Variants in DNAJC11 observed in about 807,000 individuals in gnomAD.
DNAJC11 encodes the protein DnaJ heat shock protein family (Hsp40) member C11, also known as dnaJ homolog subfamily C member 11.
DNAJC11 carries 15 observed loss-of-function variants against 78.6 expected under a neutral mutation model. The observed-to-expected ratio is 0.19, with a 90% CI of 0.13 to 0.29. The LOEUF (loss-of-function observed/expected upper bound fraction) is 0.29, where lower values mean the gene tolerates loss of function less well. Ranked by LOEUF, DNAJC11 falls within the 10% of genes least tolerant of loss-of-function variation. The pLI, the probability that DNAJC11 is intolerant of heterozygous loss-of-function variation, is 1.00. For missense variants in DNAJC11, 547 were observed against 709.6 expected, an observed-to-expected ratio of 0.77 and a Z score of 2.60; for synonymous variants, 292 against 272.1, an observed-to-expected ratio of 1.07 and a Z score of -0.72.
intron 1 of DNAJC11, among the ~76,000 whole-genome samples, chr1:6,689,700 C>A (rs1440772203): frequency 6.6e-6 from 1 of 151,620 alleles, no homozygotes; most frequent in Non-Finnish European, 1.5e-5. Context: ...TGCTTGAACC[C>A]AGGAGGCGGA....
At position 6,634,190 on chromosome 1, in the gene DNAJC11, TGTG is replaced by T. The variant is rs1430874473; in HGVS notation, c.*1482_*1484del. 5.3e-6 allele frequency: 6 copies of T among 1,129,012 alleles called. No homozygotes were observed. The highest frequency in any genetic ancestry group is 1.5e-5 in the African/African-American group (1 of 65,282). The allele number at this position is 1,129,012 out of a possible 1,614,324, so 69.9% of individuals were successfully genotyped here. On this transcript the variant is annotated 3_prime_UTR_variant, in exon 16 of 16. Coordinates refer to ENST00000377577, the MANE Select transcript of DNAJC11 (RefSeq NM_018198.4). ...GCCTCTGCTTTCAGGAAAGGTTTAT[TGTG>T]GTGAGTGCCTTCTGTACAGTCGACT...
chr1:6,637,158 TCTGTGAGCA>T (rs749704082), intron 14 of DNAJC11, 31 bp downstream of exon 14: 1 of 1,612,762 alleles, frequency 6.2e-7, no homozygotes, highest in African/African-American at 1.3e-5. Context: ...CCTGTTCAAA[TCTGTGAGCA>T]CATAGCATGT....
intron 3 of DNAJC11, among the ~76,000 whole-genome samples, chr1:6,677,274 A>C (rs968338964): frequency 6.6e-6 from 1 of 151,588 alleles, no homozygotes; most frequent in East Asian, 1.9e-4. Flanking sequence ...AGCAAAATTT[A>C]TTGGGCATCA....
At chr1:6,675,708 C>G (rs1265783138) in intron 3 of DNAJC11, among the ~76,000 whole-genome samples, 1 of 152,164 alleles carries the variant, frequency 6.6e-6, no homozygotes, top group Non-Finnish European at 1.5e-5. Flanking sequence ...CAGGTGTGAG[C>G]CACTGCACCC....
intron 7 of DNAJC11, among the ~76,000 whole-genome samples, chr1:6,649,704 A>G (rs1034581752): frequency 2.0e-5 from 3 of 151,736 alleles, no homozygotes; most frequent in African/African-American, 7.3e-5. Context: ...TGGAAGTGTA[A>G]TAACTAACTT....
chr1:6,681,735 C>T (rs1195186854), intron 1 of DNAJC11, among the ~76,000 whole-genome samples: 1 of 152,178 alleles, frequency 6.6e-6, no homozygotes, highest in Admixed American at 6.5e-5. Context: ...GAGGCAAACC[C>T]ACATTCACTG....
intron 3 of DNAJC11, among the ~76,000 whole-genome samples, chr1:6,671,336 G>A (rs1642376484): frequency 1.3e-5 from 2 of 152,114 alleles, no homozygotes; most frequent in Non-Finnish European, 1.5e-5. Context: ...TCCGCCTCCC[G>A]GGTTCACACC....
rs550537785 is a variant in DNAJC11 at position 6,662,149 on chromosome 1, T to G, written c.378+5560A>C. 5.7e-4 allele frequency among the ~76,000 whole-genome samples: 81 copies of G among 141,910 alleles called. 2 individuals are homozygous for G. In the South Asian group the frequency reaches 0.017, roughly 30 times the overall value. 93.1% of individuals were successfully genotyped at this position (141,910 alleles called of 152,430 possible). A position where few individuals can be genotyped will look rare whatever the true frequency, so the allele number is the denominator to read the frequency against. On this transcript the variant is annotated intron_variant, in intron 4 of 15. Coordinates refer to ENST00000377577, the MANE Select transcript of DNAJC11 (RefSeq NM_018198.4). Reference sequence around the variant, plus strand: ...TTTTGTTTTTTGTTTTTTTTTTTTGTAGAGATAGGATTTCACCATGTTGCC... The same window carrying G: ...TTTTGTTTTTTGTTTTTTTTTTTTGGAGAGATAGGATTTCACCATGTTGCC...
intron 1 of DNAJC11, among the ~76,000 whole-genome samples, chr1:6,684,231 C>T (rs1642600014): frequency 6.6e-6 from 1 of 152,152 alleles, no homozygotes; most frequent in Non-Finnish European, 1.5e-5. Flanking sequence ...CAGGCGCACG[C>T]CACCATGCCC....
chr1:6,641,945 G>T (rs1043663325), intron 10 of DNAJC11, among the ~76,000 whole-genome samples: 3 of 151,866 alleles, frequency 2.0e-5, no homozygotes, highest in African/African-American at 2.4e-5. Context: ...CAAACATGGT[G>T]GGGGGGATCA....
intron 3 of DNAJC11, among the ~76,000 whole-genome samples, chr1:6,676,490 G>C (rs1042840948): frequency 6.6e-6 from 1 of 151,674 alleles, no homozygotes; most frequent in African/African-American, 2.4e-5. Flanking sequence ...GACCAGCCTG[G>C]GCAACATAGA....
intron 3 of DNAJC11, chr1:6,668,089 T>C: frequency 2.7e-6 from 1 of 366,520 alleles, no homozygotes. Flanking sequence ...GCAACTTATC[T>C]CTGAGGCTGC....
intron 1 of DNAJC11, among the ~76,000 whole-genome samples, chr1:6,698,541 T>A (rs1330383881): frequency 6.6e-6 from 1 of 152,084 alleles, no homozygotes; most frequent in African/African-American, 2.4e-5. Context: ...GAAAGTGACT[T>A]CTGCAAGGGA....
chr1:6,662,077 G>A (rs1183963863), intron 4 of DNAJC11, among the ~76,000 whole-genome samples: 65 of 150,928 alleles, frequency 4.3e-4, no homozygotes, highest in African/African-American at 1.5e-3. Context: ...TCAGCCTCCC[G>A]AGTAGCTGGG....
chr1:6,679,398 G>T (rs112459657), intron 2 of DNAJC11, among the ~76,000 whole-genome samples: 3 of 152,186 alleles, frequency 2.0e-5, no homozygotes, highest in African/African-American at 7.2e-5. Flanking sequence ...CTCAGCTAAC[G>T]GTGAGGGCTG....
intron 7 of DNAJC11, among the ~76,000 whole-genome samples, chr1:6,646,966 A>G (rs2148730939): frequency 6.6e-6 from 1 of 152,044 alleles, no homozygotes; most frequent in Non-Finnish European, 1.5e-5. Context: ...GACAGCCTGG[A>G]CAACATGACA....
intron 1 of DNAJC11, among the ~76,000 whole-genome samples, chr1:6,696,279 A>G (rs1437271007): frequency 6.6e-6 from 1 of 152,244 alleles, no homozygotes; most frequent in Non-Finnish European, 1.5e-5. Flanking sequence ...CCCATCATGA[A>G]GTTTGATAAG....
chr1:6,660,345 C>T (rs897351783), intron 4 of DNAJC11, among the ~76,000 whole-genome samples: 4 of 151,834 alleles, frequency 2.6e-5, no homozygotes, highest in Non-Finnish European at 5.9e-5. Flanking sequence ...TTAGTAGAGA[C>T]GCGGTTTTGC....
chr1:6,651,247 C>G (rs1642050457), intron 7 of DNAJC11: 1 of 632,930 alleles, frequency 1.6e-6, no homozygotes, highest in Non-Finnish European at 3.1e-6. Flanking sequence ...TCCCTGAAGG[C>G]ACTCTTTCTC....
Sources: gnomAD v4.1 joint callset for allele counts (sites outside exome capture counted in the v4.1 genomes callset) on GRCh38, gnomAD v4.1.1 for gene constraint, MANE v1.5 for transcripts, NCBI Gene and HGNC (gene_info 2026-07-23, HGNC 2026-07-21) for gene names.